Variants in KIAA0825 observed in about 807,000 individuals in gnomAD.
KIAA0825 encodes the protein KIAA0825, also known as uncharacterized protein KIAA0825.
Under a neutral mutation model 147.6 loss-of-function variants are expected in KIAA0825, and 119 were observed. The ratio of observed to expected loss-of-function variants is 0.81; its 90% CI spans 0.69 to 0.94. The LOEUF (loss-of-function observed/expected upper bound fraction) is 0.94. Ranked by LOEUF, KIAA0825 falls within the 40% of genes least tolerant of loss-of-function variation. The probability of loss-of-function intolerance (pLI) is 0.00; values close to 1 mark genes in which losing one functional copy is unlikely to be tolerated. For missense variants in KIAA0825, 1,381 were observed against 1,472.7 expected (o/e 0.94, Z 1.02); for synonymous variants, 470 against 518.1 (o/e 0.91, Z 1.26).
intron 5 of KIAA0825, among the ~76,000 whole-genome samples, chr5:94,487,915 T>G (rs1763249289): frequency 6.6e-6 from 1 of 151,978 alleles, no homozygotes; most frequent in South Asian, 2.1e-4. Flanking sequence ...ATTGTGCCAC[T>G]GCACTCCAAC....
chr5:94,452,965 A>G lies in KIAA0825; in HGVS notation c.2351T>C (p.Leu784Ser). 2 of 1,483,260 alleles carry G rather than the reference A, an allele frequency of 1.3e-6. No homozygotes were observed. Among genetic ancestry groups the G allele is most frequent in the Non-Finnish European group, 1.8e-6 (2 of 1,107,352 alleles). The allele number at this position is 1,483,260 out of a possible 1,614,324, so 91.9% of individuals were successfully genotyped here. The stretch of plus-strand genomic sequence containing the variant: ...GGCATTTAGAGGCTCTCACCTGAGT[A>G]AAGAAGGGTAGAAATGTGATATGCA... ...VSCISHFYPS[L>S]LRTPSAGGLK... The change falls in exon 13 of 21, where the codon TTA becomes TCA. Residue 784 changes from leucine (L) to serine (S), a missense_variant. Leu to Ser is a moderately radical substitution (Grantham distance 145). Transcript: ENST00000682413.
At chr5:94,198,598 G>C (rs532048701) in intron 20 of KIAA0825, among the ~76,000 whole-genome samples, 1 of 152,020 alleles carries the variant, frequency 6.6e-6, no homozygotes, top group South Asian at 2.1e-4. Flanking sequence ...GGGCCTGTCA[G>C]GGGGTGGGAG....
intron 1 of KIAA0825, among the ~76,000 whole-genome samples, chr5:94,606,310 C>T (rs1787481541): frequency 6.6e-6 from 1 of 152,170 alleles, no homozygotes. Flanking sequence ...GAATCAATAT[C>T]ATTAAAATGG....
intron 20 of KIAA0825, among the ~76,000 whole-genome samples, chr5:94,309,524 C>T (rs1778974109): frequency 6.6e-6 from 1 of 151,746 alleles, no homozygotes; most frequent in African/African-American, 2.4e-5. Flanking sequence ...GAGTAGCACA[C>T]TCAGTGCTAT....
At chr5:94,606,123 C>T (rs751451427) in intron 1 of KIAA0825, among the ~76,000 whole-genome samples, 1 of 152,110 alleles carries the variant, frequency 6.6e-6, no homozygotes, top group Non-Finnish European at 1.5e-5. Flanking sequence ...AACAACCAAA[C>T]TGAGAGCCAA....
intron 14 of KIAA0825, among the ~76,000 whole-genome samples, chr5:94,426,969 T>C (rs1754967427): frequency 1.3e-5 from 2 of 152,198 alleles, no homozygotes; most frequent in Admixed American, 6.5e-5. Flanking sequence ...GAAGAAAAGA[T>C]AGTACTTTTT....
intron 20 of KIAA0825, among the ~76,000 whole-genome samples, chr5:94,200,794 T>C (rs893189977): frequency 4.6e-5 from 7 of 151,828 alleles, no homozygotes. Context: ...AGTATAACTA[T>C]TATCTCCTAC....
chr5:94,162,313 T>C (rs1040851912), intron 20 of KIAA0825, among the ~76,000 whole-genome samples: 1 of 152,136 alleles, frequency 6.6e-6, no homozygotes, highest in African/African-American at 2.4e-5. Context: ...TATGATTTTT[T>C]TTTAGAATCA....
intron 14 of KIAA0825, among the ~76,000 whole-genome samples, chr5:94,427,929 G>T (rs1266332202): frequency 6.6e-6 from 1 of 152,100 alleles, no homozygotes; most frequent in African/African-American, 2.4e-5. Flanking sequence ...AAGTGTGCTT[G>T]TTCAATTGAA....
chr5:94,441,200 C>G (rs1214232057), intron 13 of KIAA0825, among the ~76,000 whole-genome samples: 2 of 152,002 alleles, frequency 1.3e-5, no homozygotes, highest in African/African-American at 2.4e-5. Context: ...GGCCCCAAAC[C>G]AGCAGCATCA....
At chr5:94,588,687 C>T (rs1014505777) in intron 1 of KIAA0825, among the ~76,000 whole-genome samples, 3 of 152,118 alleles carry the variant, frequency 2.0e-5, no homozygotes, top group South Asian at 2.1e-4. Context: ...CCCATTACTC[C>T]GTATATACCC....
intron 5 of KIAA0825, among the ~76,000 whole-genome samples, chr5:94,492,152 A>G (rs1246998307): frequency 6.6e-6 from 1 of 152,166 alleles, no homozygotes; most frequent in East Asian, 1.9e-4. Flanking sequence ...CACCAATTGT[A>G]TCATATGTTT....
intron 1 of KIAA0825, among the ~76,000 whole-genome samples, chr5:94,601,563 C>T (rs1382028193): frequency 6.6e-6 from 1 of 152,084 alleles, no homozygotes; most frequent in Non-Finnish European, 1.5e-5. Flanking sequence ...TATGGCTGAA[C>T]AGAAGTAGAC....
chr5:94,497,697 T>C (rs1764545495), intron 5 of KIAA0825, among the ~76,000 whole-genome samples: 1 of 152,220 alleles, frequency 6.6e-6, no homozygotes, highest in Admixed American at 6.5e-5. Flanking sequence ...CAGTTGAAAG[T>C]ACACTATGTT....
At chr5:94,478,475 A>AC (rs1476863336) in intron 6 of KIAA0825, among the ~76,000 whole-genome samples, 3 of 151,860 alleles carry the variant, frequency 2.0e-5, no homozygotes, top group Non-Finnish European at 4.4e-5. Flanking sequence ...ACACACACAC[A>AC]CACACACAAA....
chr5:94,284,948 A>G (rs1395678053), intron 20 of KIAA0825, among the ~76,000 whole-genome samples: 2 of 152,274 alleles, frequency 1.3e-5, no homozygotes, highest in South Asian at 2.1e-4. Flanking sequence ...TTTCTGATAC[A>G]GAACTGAATT....
intron 20 of KIAA0825, among the ~76,000 whole-genome samples, chr5:94,155,799 T>G (rs1766988883): frequency 6.6e-6 from 1 of 152,176 alleles, no homozygotes; most frequent in South Asian, 2.1e-4. Context: ...GTCATTGGTC[T>G]AACAGGTTTT....
At chr5:94,566,509 A>T (rs1778741141) in intron 2 of KIAA0825, among the ~76,000 whole-genome samples, 1 of 152,186 alleles carries the variant, frequency 6.6e-6, no homozygotes, top group Admixed American at 6.5e-5. Flanking sequence ...TGCTTTCAAA[A>T]GTAAAAACAT....
chr5:94,488,905 GT>G (rs1368535472), intron 5 of KIAA0825, among the ~76,000 whole-genome samples: 1 of 152,138 alleles, frequency 6.6e-6, no homozygotes, highest in Non-Finnish European at 1.5e-5. Context: ...TTTCTCAAAC[GT>G]TTTCGAGCAA....
Sources: gnomAD v4.1 joint callset for allele counts (sites outside exome capture counted in the v4.1 genomes callset) on GRCh38, gnomAD v4.1.1 for gene constraint, MANE v1.5 for transcripts, NCBI Gene and HGNC (gene_info 2026-07-23, HGNC 2026-07-21) for gene names.